SGTB: variants seen among roughly 807,000 people sequenced by gnomAD.
SGTB encodes the protein small glutamine-rich tetratricopeptide repeat-containing protein beta.
In SGTB, 19 loss-of-function variants were observed where a neutral mutation model predicts 43.9. That is an observed-to-expected ratio of 0.43 (90% CI 0.30 to 0.63). The LOEUF (loss-of-function observed/expected upper bound fraction) is 0.63, where lower values mean the gene tolerates loss of function less well. Among genes scored for constraint, SGTB ranks in the 30% least tolerant of loss-of-function variants. The pLI is 0.12. For missense variants in SGTB, 304 were observed against 358.9 expected, an observed-to-expected ratio of 0.85 and a Z score of 1.24; for synonymous variants, 116 against 117.3, an observed-to-expected ratio of 0.99 and a Z score of 0.07.
Position 65,713,008 on chromosome 5 carries a change from C to G in SGTB, c.157G>C (p.Ala53Pro). 1 of 1,613,756 alleles carries G rather than the reference C, an allele frequency of 6.2e-7. No homozygotes were observed. Among genetic ancestry groups the G allele is most frequent in the Non-Finnish European group, 8.5e-7 (1 of 1,179,872 alleles). The change falls in exon 3 of 11, where the codon GCA becomes CCA. Residue 53 changes from alanine (A) to proline (P), a missense_variant. Transcript: ENST00000381007. ...ATTTCTGTCAAAGGCTGTGAAACTGCTAGGTGTGTATCTTCTGGGCTGATC... is the reference window on the plus strand; with the variant it reads ...ATTTCTGTCAAAGGCTGTGAAACTGGTAGGTGTGTATCTTCTGGGCTGATC... ...FKISPEDTHL[A>P]VSQPLTEMFT...
At position 65,713,029 on chromosome 5, in the gene SGTB, T is replaced by A; in HGVS notation, c.136A>T (p.Ser46Cys). The change falls in exon 3 of 11, where the codon AGC becomes TGC. Residue 46 changes from serine (S) to cysteine (C), a missense_variant. Physicochemically the swap from Ser to Cys is moderately radical, Grantham distance 112 (BLOSUM62 -1). Coordinates refer to ENST00000381007, the MANE Select transcript of SGTB (RefSeq NM_019072.3). ...ACTGCTAGGTGTGTATCTTCTGGGC[T>A]GATCTTAAAAACTGTCTCCAAGCAC... is the stretch of plus-strand genomic sequence containing the variant. ...IQCLETVFKISPEDTHLAVSQ... is the reference protein window; with the variant it reads ...IQCLETVFKICPEDTHLAVSQ... The A allele has an allele frequency of 6.2e-7, 1 of 1,613,164 alleles. No individual in the cohort carries two copies. The highest frequency in any genetic ancestry group is 8.5e-7 in the Non-Finnish European group (1 of 1,179,664).
intron 8 of SGTB, among the ~76,000 whole-genome samples, chr5:65,677,889 T>C (rs565166553): frequency 6.6e-6 from 1 of 152,306 alleles, no homozygotes; most frequent in East Asian, 1.9e-4. Flanking sequence ...AATATCATAC[T>C]GAATGGGCAA....
intron 5 of SGTB, among the ~76,000 whole-genome samples, chr5:65,689,505 A>C (rs1757565108): frequency 6.6e-6 from 1 of 152,222 alleles, no homozygotes; most frequent in Non-Finnish European, 1.5e-5. Context: ...ATTGTAATTT[A>C]TAATTATAAA....
chr5:65,685,598 T>TCAAACTGTCTAA, intron 5 of SGTB, 126 bp from the exon 6 acceptor site: 1 of 672,212 alleles, frequency 1.5e-6, no homozygotes, highest in Non-Finnish European at 2.5e-6. Flanking sequence ...AATTTCTAAG[T>TCAAACTGTCTAA]CAAACTGTCT....
intron 5 of SGTB, among the ~76,000 whole-genome samples, chr5:65,703,766 G>A (rs980268198): frequency 4.0e-5 from 6 of 151,054 alleles, no homozygotes; most frequent in South Asian, 4.2e-4. Flanking sequence ...GGCCGGGCGC[G>A]GTGGCTCACG....
chr5:65,718,052 G>A (rs1579890755), intron 2 of SGTB, among the ~76,000 whole-genome samples: 1 of 152,168 alleles, frequency 6.6e-6, no homozygotes, highest in Non-Finnish European at 1.5e-5. Flanking sequence ...AGCTGGAGTA[G>A]GGATTCTAGA....
In SGTB at chr5:65,666,052, A is replaced by C. The variant is rs1272830325; in HGVS notation, c.*4194T>G. On this transcript the variant is annotated 3_prime_UTR_variant, in exon 11 of 11. Transcript: ENST00000381007. ...TTAATGAAATGTCTGTACAAAATAA[A>C]GTGCAAGCAGTGTAAAATTGAAGTC... 6.6e-6 allele frequency: 1 copy of C among 152,620 alleles called. No individual in the cohort carries two copies. Among genetic ancestry groups the C allele is most frequent in the Non-Finnish European group, 1.5e-5 (1 of 67,984 alleles). 9.5% of individuals were successfully genotyped at this position (152,620 alleles called of 1,614,324 possible).
intron 3 of SGTB, among the ~76,000 whole-genome samples, chr5:65,708,938 G>A (rs763845032): frequency 6.6e-6 from 1 of 152,082 alleles, no homozygotes; most frequent in Non-Finnish European, 1.5e-5. Flanking sequence ...CTACTTGGGA[G>A]GCTGAGGTAG....
intron 5 of SGTB, among the ~76,000 whole-genome samples, chr5:65,694,213 T>C (rs2150713261): frequency 1.3e-5 from 2 of 151,994 alleles, no homozygotes; most frequent in Admixed American, 1.3e-4. Flanking sequence ...GTGGATCACC[T>C]GAGGTCAGGA....
chr5:65,709,963 A>G (rs761593252), intron 3 of SGTB, among the ~76,000 whole-genome samples: 1 of 152,230 alleles, frequency 6.6e-6, no homozygotes, highest in Non-Finnish European at 1.5e-5. Context: ...CAAAATTGAT[A>G]GCTCTACATC....
chr5:65,721,074 G>C (rs1405330808), intron 1 of SGTB, among the ~76,000 whole-genome samples: 1 of 152,168 alleles, frequency 6.6e-6, no homozygotes, highest in Non-Finnish European at 1.5e-5. Context: ...CTTGGAATAA[G>C]TAAAAATGTC....
At chr5:65,702,291 G>A (rs554700546) in intron 5 of SGTB, among the ~76,000 whole-genome samples, 4 of 152,004 alleles carry the variant, frequency 2.6e-5, no homozygotes, top group Admixed American at 1.3e-4. Context: ...TATGTGTCTC[G>A]GGTGGAAGTA....
At chr5:65,671,785 C>A in intron 10 of SGTB, 130 bp downstream of exon 10, 1 of 799,092 alleles carries the variant, frequency 1.3e-6, no homozygotes, top group Non-Finnish European at 2.0e-6. Context: ...GATTTAGTAA[C>A]ATTAAGGAGG....
intron 8 of SGTB, among the ~76,000 whole-genome samples, chr5:65,678,884 A>C (rs781217914): frequency 1.4e-4 from 22 of 152,218 alleles, no homozygotes; most frequent in Non-Finnish European, 2.4e-4. Context: ...ACTCAAAACT[A>C]TAAGAACTCT....
At chr5:65,712,838 CTATT>C (rs1216909802) in intron 3 of SGTB, 119 bp downstream of exon 3, 4 of 637,510 alleles carry the variant, frequency 6.3e-6, no homozygotes, top group East Asian at 5.6e-5. Flanking sequence ...TATAGACAGA[CTATT>C]TACCTTATAT....
chr5:65,700,894 C>A (rs1483217382), intron 5 of SGTB, among the ~76,000 whole-genome samples: 2 of 149,172 alleles, frequency 1.3e-5, no homozygotes, highest in Non-Finnish European at 1.5e-5. Context: ...CCTGTAGTCC[C>A]AGCTACCTGG....
chr5:65,671,534 T>C (rs1306056959), intron 10 of SGTB, among the ~76,000 whole-genome samples: 1 of 151,878 alleles, frequency 6.6e-6, no homozygotes, highest in Non-Finnish European at 1.5e-5. Flanking sequence ...TCTACTTTTC[T>C]AATATCTGTC....
chr5:65,716,281 A>T (rs530013346), intron 2 of SGTB, among the ~76,000 whole-genome samples: 1 of 152,350 alleles, frequency 6.6e-6, no homozygotes, highest in African/African-American at 2.4e-5. Context: ...AAAGGGGAGG[A>T]GTAGGTGAAC....
At position 65,670,293 on chromosome 5, in the gene SGTB, G is replaced by A; in HGVS notation, c.868C>T (p.His290Tyr). 1.9e-6 allele frequency: 3 copies of A among 1,614,178 alleles called. No individual in the cohort carries two copies. The highest frequency in any genetic ancestry group is 2.5e-6 in the Non-Finnish European group (3 of 1,180,002). Residue 290 changes from histidine (H) to tyrosine (Y), a missense_variant, in exon 11 of 11, where the codon CAC becomes TAC. By Grantham distance (83) the His-to-Tyr change is moderately conservative. Coordinates refer to ENST00000381007, the MANE Select transcript of SGTB (RefSeq NM_019072.3). ...NPELIEQLRNHIRSRSFSSSA... is the reference protein window; with the variant it reads ...NPELIEQLRNYIRSRSFSSSA... Reference sequence around the variant, plus strand: ...CTGCTGAATGATCTGCTCCGGATGTGATTTCTCAGTTGCTCTATAAGTTCA... The same window carrying A: ...CTGCTGAATGATCTGCTCCGGATGTAATTTCTCAGTTGCTCTATAAGTTCA...
Sources: allele counts gnomAD v4.1 joint callset (sites outside exome capture counted in the v4.1 genomes callset), GRCh38; gene constraint gnomAD v4.1.1; transcripts MANE v1.5; gene names NCBI Gene and HGNC (gene_info 2026-07-23, HGNC 2026-07-21).